Variants in ALKAL1 observed in about 807,000 individuals in gnomAD.
ALKAL1 encodes AUG-beta.
In ALKAL1, 23 loss-of-function variants were observed where a neutral mutation model predicts 13.5. The ratio of observed to expected loss-of-function variants is 1.70; its 90% CI spans 1.23 to 2.41. The LOEUF is 2.41. ALKAL1 is among the 30% of genes most tolerant of loss of function. ALKAL1 has a pLI of 0.00. For synonymous variants in ALKAL1, 85 were observed against 77.7 expected (o/e 1.09, Z -0.49); for missense variants, 181 against 178.4 (o/e 1.01, Z -0.08).
chr8:52,534,455 C>A lies in ALKAL1; in HGVS notation c.*158G>T. On this transcript the variant is annotated 3_prime_UTR_variant, in exon 5 of 5. Transcript: ENST00000358543. ...AAGCAAGAAAGACTCCATTCTATGA[C>A]AGGAAACAGCTAACCAGTTATTTCT... 2.3e-6 allele frequency: 1 copy of A among 431,640 alleles called. No homozygotes were observed. Among genetic ancestry groups the A allele is most frequent in the East Asian group, 3.5e-5 (1 of 28,866 alleles). The allele number at this position is 431,640 out of a possible 1,614,324, so 26.7% of individuals were successfully genotyped here.
Position 52,565,253 on chromosome 8 carries a change from G to C in ALKAL1, c.4C>G (p.Arg2Gly). 1.5e-6 allele frequency: 2 copies of C among 1,310,550 alleles called. No homozygotes were observed. Among genetic ancestry groups the C allele is most frequent in the Non-Finnish European group, 9.8e-7 (1 of 1,022,768 alleles). The allele number at this position is 1,310,550 out of a possible 1,614,324, so 81.2% of individuals were successfully genotyped here. ...AAAGGGGCGCCGGGCTTAAGGGGCC[G>C]CATGTTCGCAAGCCGGGAGGAGAGA... M[R>G]PLKPGAPLPA... The change falls in exon 1 of 5, where the codon CGG becomes GGG. Residue 2 changes from arginine (R) to glycine (G), a missense_variant. Arg to Gly is a moderately radical substitution (Grantham distance 125). Coordinates refer to ENST00000358543, the MANE Select transcript of ALKAL1 (RefSeq NM_207413.4).
At chr8:52,550,187 TA>T (rs1310241579) in intron 1 of ALKAL1, among the ~76,000 whole-genome samples, 1 of 152,174 alleles carries the variant, frequency 6.6e-6, no homozygotes, top group Non-Finnish European at 1.5e-5. Flanking sequence ...CTGGGTGGTT[TA>T]ATGAGACCTA....
chr8:52,539,774 T>A, intron 3 of ALKAL1, 57 bp downstream of exon 3: 1 of 1,289,834 alleles, frequency 7.8e-7, no homozygotes, highest in Non-Finnish European at 1.1e-6. Flanking sequence ...AAGTTTAAAA[T>A]TAAACGCATT....
At chr8:52,561,779 T>G (rs1847553287) in intron 1 of ALKAL1, among the ~76,000 whole-genome samples, 1 of 152,174 alleles carries the variant, frequency 6.6e-6, no homozygotes, top group South Asian at 2.1e-4. Context: ...TCAGTGAGGT[T>G]TTATATTAAA....
intron 3 of ALKAL1, among the ~76,000 whole-genome samples, chr8:52,539,173 G>A (rs1358545649): frequency 6.6e-6 from 1 of 152,100 alleles, no homozygotes. Flanking sequence ...TCCTCAAGAT[G>A]AGCAATCTAG....
At chr8:52,550,419 G>T (rs182612001) in intron 1 of ALKAL1, among the ~76,000 whole-genome samples, 1 of 140,126 alleles carries the variant, frequency 7.1e-6, no homozygotes, top group African/African-American at 2.5e-5. Flanking sequence ...TTTGTGTGGC[G>T]CTTTTGAGCT....
chr8:52,561,110 G>A (rs563913200), intron 1 of ALKAL1, among the ~76,000 whole-genome samples: 1 of 152,038 alleles, frequency 6.6e-6, no homozygotes, highest in Non-Finnish European at 1.5e-5. Flanking sequence ...CCCCTCCCAG[G>A]TGATATGCAA....
Position 52,565,141 on chromosome 8 carries a change from T to C in ALKAL1, c.116A>G (p.Asp39Gly). 1 of 1,407,938 alleles carries C rather than the reference T, an allele frequency of 7.1e-7. No homozygotes were observed. The highest frequency in any genetic ancestry group is 9.3e-7 in the Non-Finnish European group (1 of 1,073,442). 87.2% of individuals were successfully genotyped at this position (1,407,938 alleles called of 1,614,324 possible). A position where few individuals can be genotyped will look rare whatever the true frequency, so the allele number is the denominator to read the frequency against. The stretch of plus-strand genomic sequence containing the variant: ...GAAAAGCAACGGCTTGGGCTCCTTA[T>C]CCGTGACGCGCGCTCCCCTGCGCCC... ...PRGRRGARVT[D>G]KEPKPLLFLP... The change falls in exon 1 of 5, where the codon GAT becomes GGT. Residue 39 changes from aspartate to glycine, a missense_variant. Coordinates refer to ENST00000358543, the MANE Select transcript of ALKAL1 (RefSeq NM_207413.4).
At chr8:52,548,305 C>T (rs1343212475) in intron 1 of ALKAL1, among the ~76,000 whole-genome samples, 2 of 151,208 alleles carry the variant, frequency 1.3e-5, no homozygotes, top group Admixed American at 6.6e-5. Context: ...GAGCTGAGAT[C>T]GTGCACTCCA....
At chr8:52,557,479 G>A (rs948481064) in intron 1 of ALKAL1, among the ~76,000 whole-genome samples, 33 of 152,192 alleles carry the variant, frequency 2.2e-4, no homozygotes, top group Non-Finnish European at 4.1e-4. Flanking sequence ...AAAACTATCA[G>A]CCAGAAATAA....
At chr8:52,561,695 T>A (rs1195570831) in intron 1 of ALKAL1, among the ~76,000 whole-genome samples, 1 of 152,182 alleles carries the variant, frequency 6.6e-6, no homozygotes. Flanking sequence ...ATGCTACTTA[T>A]TAAGCACGTT....
Position 52,542,591 on chromosome 8 carries a change from C to T in ALKAL1, c.191-146G>A. The T allele has an allele frequency of 5.0e-6, 3 of 602,718 alleles. No homozygotes were observed. The East Asian group carries it at 8.4e-5, about 17-fold the overall frequency. The allele number at this position is 602,718 out of a possible 1,614,324, so 37.3% of individuals were successfully genotyped here. ...GCTGATCCCAAACTGGTTTCTCCAG[C>T]CCTGACCATTTCCTGGGCTCCAAAA... On this transcript the variant is annotated intron_variant, in intron 1 of 4. Coordinates refer to ENST00000358543, the MANE Select transcript of ALKAL1 (RefSeq NM_207413.4).
intron 4 of ALKAL1, among the ~76,000 whole-genome samples, chr8:52,537,742 C>G (rs1847276848): frequency 6.6e-6 from 1 of 151,380 alleles, no homozygotes; most frequent in Admixed American, 6.6e-5. Flanking sequence ...TATTCTCACT[C>G]ATATGAGGGA....
At chr8:52,541,277 C>T (rs1847309293) in intron 2 of ALKAL1, among the ~76,000 whole-genome samples, 1 of 152,046 alleles carries the variant, frequency 6.6e-6, no homozygotes, top group African/African-American at 2.4e-5. Context: ...GAGTTCAAGA[C>T]CAACCTGGGC....
intron 4 of ALKAL1, among the ~76,000 whole-genome samples, chr8:52,537,151 G>C (rs1420833988): frequency 1.3e-5 from 2 of 152,146 alleles, no homozygotes; most frequent in Admixed American, 1.3e-4. Flanking sequence ...TGATTTAAAA[G>C]AGGGCAAGGT....
intron 4 of ALKAL1, among the ~76,000 whole-genome samples, chr8:52,536,691 T>C (rs1423086556): frequency 3.4e-5 from 5 of 148,744 alleles, no homozygotes; most frequent in African/African-American, 1.0e-4. Context: ...CTGGTTTCTT[T>C]TTTATTATCT....
chr8:52,563,245 C>T (rs1184281829), intron 1 of ALKAL1, among the ~76,000 whole-genome samples: 2 of 152,068 alleles, frequency 1.3e-5, no homozygotes, highest in Non-Finnish European at 2.9e-5. Context: ...ATGGTGAAAT[C>T]CCATCTCTAC....
At chr8:52,543,250 G>A (rs1847332074) in intron 1 of ALKAL1, among the ~76,000 whole-genome samples, 1 of 152,214 alleles carries the variant, frequency 6.6e-6, no homozygotes, top group Non-Finnish European at 1.5e-5. Flanking sequence ...TTTGTTGGTA[G>A]GTATACATTT....
At chr8:52,550,505 T>A (rs1240577909) in intron 1 of ALKAL1, among the ~76,000 whole-genome samples, 1 of 152,208 alleles carries the variant, frequency 6.6e-6, no homozygotes, top group Non-Finnish European at 1.5e-5. Context: ...GATTCTGCCT[T>A]CAGAAACGAC....
Sources: allele counts gnomAD v4.1 joint callset (sites outside exome capture counted in the v4.1 genomes callset), GRCh38; gene constraint gnomAD v4.1.1; transcripts MANE v1.5; gene names NCBI Gene and HGNC (gene_info 2026-07-23, HGNC 2026-07-21).